The following RUNX1T1 variants were observed in gnomAD, a reference collection of about 807,000 sequenced individuals.
RUNX1T1 encodes the protein protein CBFA2T1.
RUNX1T1 carries 4 observed loss-of-function variants against 62.8 expected under a neutral mutation model. That is an observed-to-expected ratio of 0.06 (90% CI 0.03 to 0.15). The LOEUF is 0.15. Ranked by LOEUF, RUNX1T1 falls within the 10% of genes least tolerant of loss-of-function variation. The probability of loss-of-function intolerance (pLI) is 1.00; values close to 1 mark genes in which losing one functional copy is unlikely to be tolerated. For synonymous variants in RUNX1T1, 291 were observed against 286.0 expected (o/e 1.02, Z -0.18); for missense variants, 508 against 754.3 (o/e 0.67, Z 3.82).
chr8:92,050,051 C>A (rs1394052343), intron 1 of RUNX1T1, among the ~76,000 whole-genome samples: 1 of 151,804 alleles, frequency 6.6e-6, no homozygotes, highest in African/African-American at 2.4e-5. Flanking sequence ...ATTAATAAGG[C>A]AGTTTGGCTT....
At chr8:92,075,833 A>G in intron 2 of RUNX1T1, 132 bp downstream of exon 2, 2 of 783,298 alleles carry the variant, frequency 2.6e-6, no homozygotes, top group Non-Finnish European at 2.0e-6. Flanking sequence ...TGTTTAAAAC[A>G]TACAATAGAA....
chr8:92,033,720 C>T (rs747402839), intron 1 of RUNX1T1, among the ~76,000 whole-genome samples: 1 of 151,946 alleles, frequency 6.6e-6, no homozygotes, highest in Non-Finnish European at 1.5e-5. Context: ...GCCTATAATC[C>T]GAGAACTTTG....
chr8:91,972,438 C>T (rs1019108374), intron 9 of RUNX1T1, among the ~76,000 whole-genome samples: 1 of 152,122 alleles, frequency 6.6e-6, no homozygotes, highest in African/African-American at 2.4e-5. Context: ...CCGTTGTTAG[C>T]TGCTTTAAGA....
At chr8:91,970,299 C>T (rs1460146021) in intron 10 of RUNX1T1, among the ~76,000 whole-genome samples, 4 of 152,114 alleles carry the variant, frequency 2.6e-5, no homozygotes, top group Non-Finnish European at 4.4e-5. Context: ...ACAGCTTACA[C>T]AGTATCTATT....
At chr8:92,034,797 T>TACACACACACACAC (rs200718439) in intron 1 of RUNX1T1, among the ~76,000 whole-genome samples, 2 of 96,850 alleles carry the variant, frequency 2.1e-5, no homozygotes, top group Admixed American at 2.0e-4. Flanking sequence ...TATACATATA[T>TACACACACACACAC]ACACACACAC....
chr8:92,014,002 C>T (rs1264081778), intron 3 of RUNX1T1, among the ~76,000 whole-genome samples: 1 of 151,958 alleles, frequency 6.6e-6, no homozygotes, highest in Non-Finnish European at 1.5e-5. Context: ...AAACTGTACA[C>T]TTAAAAATGG....
intron 3 of RUNX1T1, among the ~76,000 whole-genome samples, chr8:92,011,837 A>T (rs1821995252): frequency 6.6e-6 from 1 of 152,240 alleles, no homozygotes; most frequent in African/African-American, 2.4e-5. Flanking sequence ...CAGGATTTGT[A>T]TCCTACAATA....
At chr8:92,050,260 T>A (rs1830032205) in intron 1 of RUNX1T1, among the ~76,000 whole-genome samples, 1 of 152,204 alleles carries the variant, frequency 6.6e-6, no homozygotes, top group African/African-American at 2.4e-5. Context: ...TCTTAAATAA[T>A]TCTAGATCAA....
At chr8:91,981,110 C>T (rs1192304653) in intron 8 of RUNX1T1, among the ~76,000 whole-genome samples, 1 of 152,010 alleles carries the variant, frequency 6.6e-6, no homozygotes, top group Admixed American at 6.6e-5. Context: ...TATTACCATC[C>T]CCATTTTACA....
At chr8:92,039,141 G>GT (rs1417344388) in intron 1 of RUNX1T1, among the ~76,000 whole-genome samples, 12 of 139,600 alleles carry the variant, frequency 8.6e-5, no homozygotes, top group South Asian at 4.5e-4. Flanking sequence ...AATTTTTGTT[G>GT]TTGTTTTTTT....
At chr8:91,975,392 C>CT (rs2130691270) in intron 9 of RUNX1T1, among the ~76,000 whole-genome samples, 1 of 151,900 alleles carries the variant, frequency 6.6e-6, no homozygotes, top group Non-Finnish European at 1.5e-5. Flanking sequence ...TCGTTGAATA[C>CT]TAATTAGTAC....
chr8:91,962,036 C>G (rs1470567334), intron 10 of RUNX1T1, among the ~76,000 whole-genome samples: 1 of 152,232 alleles, frequency 6.6e-6, no homozygotes, highest in Non-Finnish European at 1.5e-5. Context: ...TAGGAAACGT[C>G]AGCCCATCAC....
chr8:92,013,436 G>T (rs943550343), intron 3 of RUNX1T1, among the ~76,000 whole-genome samples: 9 of 152,316 alleles, frequency 5.9e-5, no homozygotes, highest in African/African-American at 2.2e-4. Context: ...TTCTGAGCTA[G>T]TCTCTTACCC....
intron 1 of RUNX1T1, among the ~76,000 whole-genome samples, chr8:92,022,288 G>A (rs962220022): frequency 6.6e-6 from 1 of 152,104 alleles, no homozygotes; most frequent in African/African-American, 2.4e-5. Flanking sequence ...TATACACAGA[G>A]AGAGGATAGA....
intron 9 of RUNX1T1, among the ~76,000 whole-genome samples, chr8:91,972,652 A>G (rs1440219176): frequency 1.3e-5 from 2 of 152,082 alleles, no homozygotes; most frequent in African/African-American, 4.8e-5. Flanking sequence ...GTGGTAGTAC[A>G]GAACAATAAT....
chr8:91,966,837 G>A (rs1316870425), intron 10 of RUNX1T1, among the ~76,000 whole-genome samples: 1 of 152,112 alleles, frequency 6.6e-6, no homozygotes, highest in Non-Finnish European at 1.5e-5. Flanking sequence ...CCAACTATCA[G>A]CCTATAAATC....
intron 1 of RUNX1T1, among the ~76,000 whole-genome samples, chr8:92,052,921 C>T (rs755846191): frequency 1.6e-4 from 24 of 152,270 alleles, no homozygotes; most frequent in Non-Finnish European, 2.5e-4. Context: ...GGAAACTCAA[C>T]AGATGAGCTA....
At chr8:91,955,754 G>T (rs905603618), downstream of RUNX1T1, 1 of 225,384 alleles carries the variant, frequency 4.4e-6, no homozygotes, top group African/African-American at 2.2e-5. Context: ...GAGGAAACAG[G>T]AATTTCTGCT....
intron 1 of RUNX1T1, among the ~76,000 whole-genome samples, chr8:92,085,249 G>A (rs758734473): frequency 2.0e-5 from 3 of 152,178 alleles, no homozygotes; most frequent in South Asian, 2.1e-4. Flanking sequence ...CAACCTGGGC[G>A]ACACAGGCAA....
Sources: allele counts gnomAD v4.1 joint callset (sites outside exome capture counted in the v4.1 genomes callset), GRCh38; gene constraint gnomAD v4.1.1; transcripts MANE v1.5; gene names NCBI Gene and HGNC (gene_info 2026-07-23, HGNC 2026-07-21).